Variants in WWOX observed in about 807,000 individuals in gnomAD.
The protein encoded by WWOX is WW domain containing oxidoreductase.
In WWOX, 69 loss-of-function variants were observed where a neutral mutation model predicts 46.2. That is an observed-to-expected ratio of 1.49 (90% CI 1.23 to 1.82). WWOX has a LOEUF of 1.82. Ranked by LOEUF, WWOX falls within the 40% of genes most tolerant of loss-of-function variation. The pLI is 0.00. For synonymous variants in WWOX, 359 were observed against 202.6 expected, an observed-to-expected ratio of 1.77 and a Z score of -6.56; for missense variants, 919 against 542.6, an observed-to-expected ratio of 1.69 and a Z score of -6.89.
At chr16:78,994,018 C>G (rs1411206477) in intron 8 of WWOX, among the ~76,000 whole-genome samples, 1 of 152,186 alleles carries the variant, frequency 6.6e-6, no homozygotes, top group Non-Finnish European at 1.5e-5. Context: ...CGAGGGTACC[C>G]TGGACCCCTG....
At chr16:79,091,069 C>G (rs532047833) in intron 8 of WWOX, among the ~76,000 whole-genome samples, 36 of 152,222 alleles carry the variant, frequency 2.4e-4, no homozygotes, top group African/African-American at 9.6e-5. Flanking sequence ...ATTATAGGCA[C>G]AAGCCACCGC....
intron 5 of WWOX, among the ~76,000 whole-genome samples, chr16:78,351,460 G>T (rs944308486): frequency 3.9e-5 from 6 of 152,182 alleles, no homozygotes; most frequent in Admixed American, 6.5e-5. Flanking sequence ...GGTGAGGGGG[G>T]ATATCATATA....
chr16:78,950,527 C>G lies in WWOX; in HGVS notation c.1057-261081C>G, dbSNP rs986957702. ...CCTGGCTATTAAAGGAACACACACA[C>G]ACACATACACACACACACACACACA... On this transcript the variant is annotated intron_variant, in intron 8 of 8. Coordinates refer to ENST00000566780, the MANE Select transcript of WWOX (RefSeq NM_016373.4). Among the ~76,000 whole-genome samples the G allele has an allele frequency of 5.9e-5, 5 of 85,440 alleles. No individual in the cohort carries two copies. The East Asian group carries it at 1.3e-3, about 23-fold the overall frequency. 56.1% of individuals were successfully genotyped at this position (85,440 alleles called of 152,430 possible). A position where few individuals can be genotyped will look rare whatever the true frequency, so the allele number is the denominator to read the frequency against.
At chr16:78,726,553 G>A (rs2048841301) in intron 8 of WWOX, among the ~76,000 whole-genome samples, 1 of 152,144 alleles carries the variant, frequency 6.6e-6, no homozygotes, top group Non-Finnish European at 1.5e-5. Context: ...TCAATACACA[G>A]TAGTGCTTTT....
rs538166200 is a variant in WWOX, at chr16:78,261,587, T to A, written c.516+97298T>A. On this transcript the variant is annotated intron_variant, in intron 5 of 8. Transcript: ENST00000566780. ...TTTTGCATATATACCTGCAAGCATTTGTCCTTTTAACCTTAGGAAAAAAAG... is the reference window on the plus strand; with the variant it reads ...TTTTGCATATATACCTGCAAGCATTAGTCCTTTTAACCTTAGGAAAAAAAG... 8.2e-4 allele frequency among the ~76,000 whole-genome samples: 124 copies of A among 150,512 alleles called. 1 individual carries two copies. The highest frequency in any genetic ancestry group is 1.1e-3 in the Non-Finnish European group (72 of 67,658).
intron 8 of WWOX, among the ~76,000 whole-genome samples, chr16:78,759,764 A>G (rs1018951785): frequency 6.6e-6 from 1 of 152,164 alleles, no homozygotes; most frequent in Non-Finnish European, 1.5e-5. Context: ...GACAGCACAA[A>G]TGTCTTATCT....
At position 79,095,006 on chromosome 16, in the gene WWOX, T is replaced by C. The variant is rs528492412; in HGVS notation, c.1057-116602T>C. 2.6e-5 allele frequency among the ~76,000 whole-genome samples: 4 copies of C among 152,270 alleles called. No individual in the cohort carries two copies. The South Asian group carries it at 8.3e-4, about 32-fold the overall frequency. ...CAGGAGGGGCGACATGGTTCTGGCTTATTTCTAAGTCCCTTTGAGGTGATT... is the reference window on the plus strand; with the variant it reads ...CAGGAGGGGCGACATGGTTCTGGCTCATTTCTAAGTCCCTTTGAGGTGATT... On this transcript the variant is annotated intron_variant, in intron 8 of 8. Coordinates refer to ENST00000566780, the MANE Select transcript of WWOX (RefSeq NM_016373.4).
intron 6 of WWOX, among the ~76,000 whole-genome samples, chr16:78,398,418 G>T (rs755629491): frequency 5.3e-5 from 8 of 152,180 alleles, no homozygotes; most frequent in Non-Finnish European, 1.2e-4. Context: ...AGATTCCAAA[G>T]TGACAATGAG....
intron 8 of WWOX, among the ~76,000 whole-genome samples, chr16:78,655,417 C>T (rs1420961274): frequency 2.0e-5 from 3 of 152,114 alleles, no homozygotes; most frequent in Non-Finnish European, 4.4e-5. Flanking sequence ...GTAATTAGAT[C>T]CATAATGTTT....
chr16:79,208,551 A>C (rs1415042671), intron 8 of WWOX, among the ~76,000 whole-genome samples: 1 of 152,176 alleles, frequency 6.6e-6, no homozygotes, highest in Non-Finnish European at 1.5e-5. Context: ...TGGCTCTTTC[A>C]TCTTTTCTGC....
chr16:78,687,210 T>A (rs192478664), intron 8 of WWOX, among the ~76,000 whole-genome samples: 4 of 152,316 alleles, frequency 2.6e-5, no homozygotes, highest in African/African-American at 9.6e-5. Flanking sequence ...GTTCATGATA[T>A]AACAGTAAAT....
intron 6 of WWOX, among the ~76,000 whole-genome samples, chr16:78,392,914 T>G (rs1362429654): frequency 6.6e-6 from 1 of 152,076 alleles, no homozygotes; most frequent in African/African-American, 2.4e-5. Context: ...TTCTGGGTGG[T>G]CAGCCCAGGA....
chr16:78,758,165 G>A (rs79763065), intron 8 of WWOX, among the ~76,000 whole-genome samples: 3,162 of 152,100 alleles, frequency 0.021, 98 homozygotes, highest in African/African-American at 0.072. Context: ...TATTTCCATC[G>A]TAAAGGGAAG....
chr16:78,780,631 A>C (rs936653324), intron 8 of WWOX, among the ~76,000 whole-genome samples: 4 of 152,172 alleles, frequency 2.6e-5, no homozygotes, highest in African/African-American at 9.7e-5. Context: ...CATTTTAAGG[A>C]GGTGATGTTT....
chr16:79,189,096 C>G (rs9931030), intron 8 of WWOX, among the ~76,000 whole-genome samples: 2 of 151,964 alleles, frequency 1.3e-5, no homozygotes, highest in African/African-American at 4.8e-5. Flanking sequence ...AAGACAAAAA[C>G]TTGTCTGCTA....
At chr16:78,904,506 G>A (rs995504126) in intron 8 of WWOX, among the ~76,000 whole-genome samples, 7 of 152,018 alleles carry the variant, frequency 4.6e-5, no homozygotes, top group East Asian at 3.9e-4. Flanking sequence ...CAAAGTGCTG[G>A]GATTACAGGC....
intron 5 of WWOX, among the ~76,000 whole-genome samples, chr16:78,310,169 A>G (rs903161270): frequency 6.6e-6 from 1 of 152,090 alleles, no homozygotes; most frequent in Non-Finnish European, 1.5e-5. Flanking sequence ...TCCAAAAGTA[A>G]TACAGAATTT....
chr16:78,573,531 G>A (rs1384660756), intron 8 of WWOX, among the ~76,000 whole-genome samples: 2 of 152,142 alleles, frequency 1.3e-5, no homozygotes, highest in Non-Finnish European at 2.9e-5. Context: ...TCACTCCTCT[G>A]CTCAAAAACA....
At chr16:78,497,998 C>G (rs893291101) in intron 8 of WWOX, among the ~76,000 whole-genome samples, 1 of 151,858 alleles carries the variant, frequency 6.6e-6, no homozygotes, top group Non-Finnish European at 1.5e-5. Context: ...ATCGGGAGAT[C>G]GAGACCATCC....
Sources: gnomAD v4.1 joint callset for allele counts (sites outside exome capture counted in the v4.1 genomes callset) on GRCh38, gnomAD v4.1.1 for gene constraint, MANE v1.5 for transcripts, NCBI Gene and HGNC (gene_info 2026-07-23, HGNC 2026-07-21) for gene names.